RABGEF1: variants seen among roughly 807,000 people sequenced by gnomAD.
RABGEF1 encodes the protein rab5 GDP/GTP exchange factor.
A neutral mutation model predicts 57.3 loss-of-function variants in RABGEF1; 26 were observed. That is an observed-to-expected ratio of 0.45 (90% CI 0.33 to 0.63). The LOEUF (loss-of-function observed/expected upper bound fraction) is 0.63. Ranked by LOEUF, RABGEF1 falls within the 20% of genes least tolerant of loss-of-function variation. RABGEF1 has a pLI of 0.02. For synonymous variants in RABGEF1, 185 were observed against 210.7 expected, an observed-to-expected ratio of 0.88 and a Z score of 1.06; for missense variants, 464 against 607.6, an observed-to-expected ratio of 0.76 and a Z score of 2.48.
chr7:66,736,786 A>C (rs1437651709), upstream of RABGEF1, among the ~76,000 whole-genome samples: 1 of 152,178 alleles, frequency 6.6e-6, no homozygotes, highest in Non-Finnish European at 1.5e-5. Context: ...GCTTGAACCC[A>C]GGAGGCAGAA....
upstream of RABGEF1, among the ~76,000 whole-genome samples, chr7:66,736,035 A>C (rs1395924934): frequency 1.3e-5 from 2 of 152,182 alleles, no homozygotes; most frequent in Non-Finnish European, 2.9e-5. Flanking sequence ...TGTATTTAGC[A>C]TTGCACTGGA....
chr7:66,759,597 C>T (rs1429120619), intron 1 of RABGEF1, among the ~76,000 whole-genome samples: 3 of 152,150 alleles, frequency 2.0e-5, no homozygotes, highest in Non-Finnish European at 4.4e-5. Context: ...GGAAACATTG[C>T]AGCTTCTGCT....
At position 66,757,813 on chromosome 7, in the gene RABGEF1, G is replaced by A. The variant is rs112376339; in HGVS notation, c.-17-14070G>A. On this transcript the variant is annotated intron_variant, in intron 1 of 8. Coordinates refer to ENST00000284957, the MANE Select transcript of RABGEF1 (RefSeq NM_014504.3). Reference sequence around the variant, plus strand: ...TTTTTAGTAGAGACGGGGTTTCACCGTGTTAGCCAGGATGGTCTCGATCTT... The same window carrying A: ...TTTTTAGTAGAGACGGGGTTTCACCATGTTAGCCAGGATGGTCTCGATCTT... 2.6e-3 allele frequency among the ~76,000 whole-genome samples: 392 copies of A among 152,172 alleles called. 1 individual carries two copies. The highest frequency in any genetic ancestry group is 9.0e-3 in the African/African-American group (375 of 41,528).
chr7:66,680,142 T>C (rs1460642227), upstream of RABGEF1, among the ~76,000 whole-genome samples: 1 of 152,242 alleles, frequency 6.6e-6, no homozygotes, highest in East Asian at 1.9e-4. Context: ...AAAGTAAATA[T>C]TATTGTCTTT....
the RABGEF1 span, among the ~76,000 whole-genome samples, chr7:66,674,355 G>A: frequency 6.6e-5 from 10 of 151,850 alleles, no homozygotes; most frequent in Admixed American, 2.0e-4. Flanking sequence ...ACACCTGGCT[G>A]ATTTTTTTTT....
chr7:66,665,659 C>T, the RABGEF1 span, among the ~76,000 whole-genome samples: 16 of 152,286 alleles, frequency 1.1e-4, no homozygotes, highest in Admixed American at 7.8e-4. Context: ...TCTAGAACAT[C>T]GTAGGACTTC....
At chr7:66,656,695 T>TTC in the RABGEF1 span, among the ~76,000 whole-genome samples, 1 of 151,892 alleles carries the variant, frequency 6.6e-6, no homozygotes, top group East Asian at 1.9e-4. Context: ...TGGCACCTGC[T>TTC]TGTAATCCCA....
chr7:66,663,114 T>C, the RABGEF1 span, among the ~76,000 whole-genome samples: 11 of 152,266 alleles, frequency 7.2e-5, no homozygotes, highest in Admixed American at 6.5e-4. Flanking sequence ...CTCTGTGTCT[T>C]AAGGGCGTGT....
intron 1 of RABGEF1, among the ~76,000 whole-genome samples, chr7:66,687,662 T>TA (rs1180094753): frequency 2.0e-5 from 3 of 151,926 alleles, no homozygotes; most frequent in Non-Finnish European, 4.4e-5. Context: ...TTGGGAAATG[T>TA]AAAAAAATTA....
intron 4 of RABGEF1, among the ~76,000 whole-genome samples, chr7:66,785,134 CTG>C (rs1241389606): frequency 6.6e-6 from 1 of 152,094 alleles, no homozygotes; most frequent in Admixed American, 6.5e-5. Flanking sequence ...TGTTCTTACT[CTG>C]TAATAATTTA....
At chr7:66,682,708 G>A (rs561804326) in intron 1 of RABGEF1, among the ~76,000 whole-genome samples, 88 of 222 alleles carry the variant, frequency 0.4, 1 homozygote, top group Middle Eastern at 0.5. Flanking sequence ...CCCGGCCGCG[G>A]CAGGGCGCCG....
intron 1 of RABGEF1, among the ~76,000 whole-genome samples, chr7:66,708,969 T>C (rs1461181952): frequency 3.3e-5 from 5 of 152,104 alleles, no homozygotes; most frequent in Non-Finnish European, 4.4e-5. Flanking sequence ...TTTCCTGTTA[T>C]GCCTCTCTAC....
At chr7:66,760,731 C>T (rs763632120) in intron 1 of RABGEF1, among the ~76,000 whole-genome samples, 1 of 151,600 alleles carries the variant, frequency 6.6e-6, no homozygotes, top group Non-Finnish European at 1.5e-5. Flanking sequence ...CATGAGCCAC[C>T]GCACCCAGCC....
At chr7:66,684,375 C>T (rs1790267806) in intron 1 of RABGEF1, among the ~76,000 whole-genome samples, 1 of 152,108 alleles carries the variant, frequency 6.6e-6, no homozygotes, top group African/African-American at 2.4e-5. Flanking sequence ...ACCCAGGAGG[C>T]GGAGGTTGTC....
chr7:66,655,897 G>A, the RABGEF1 span, among the ~76,000 whole-genome samples: 1 of 152,204 alleles, frequency 6.6e-6, no homozygotes, highest in African/African-American at 2.4e-5. Flanking sequence ...GAGGAGAAGG[G>A]ACAGTCAAGA....
the RABGEF1 span, among the ~76,000 whole-genome samples, chr7:66,661,730 A>C: frequency 2.6e-5 from 4 of 152,250 alleles, no homozygotes; most frequent in African/African-American, 9.6e-5. Flanking sequence ...AAACTCTTTC[A>C]AAAACTTGAA....
At chr7:66,672,381 G>A in the RABGEF1 span, among the ~76,000 whole-genome samples, 3 of 152,062 alleles carry the variant, frequency 2.0e-5, no homozygotes, top group African/African-American at 4.8e-5. Flanking sequence ...GCAGTGAGCC[G>A]AGATCGTGCC....
chr7:66,742,844 C>T lies in RABGEF1; in HGVS notation c.-18+2052C>T, dbSNP rs748429607. Among the ~76,000 whole-genome samples, 177 of 152,134 alleles carry T rather than the reference C, an allele frequency of 1.2e-3. 2 individuals carry two copies. Among genetic ancestry groups the T allele is most frequent in the Non-Finnish European group, 1.1e-3 (76 of 68,018 alleles). On this transcript the variant is annotated intron_variant, in intron 1 of 8. Coordinates refer to ENST00000284957, the MANE Select transcript of RABGEF1 (RefSeq NM_014504.3). ...CTGATCTCAAACTCCTGCACTCAAG[C>T]AATCTTCCTGCCTCAAGCGTCCCAA...
intron 7 of RABGEF1, among the ~76,000 whole-genome samples, chr7:66,801,687 C>G (rs1395441014): frequency 6.6e-6 from 1 of 152,190 alleles, no homozygotes; most frequent in African/African-American, 2.4e-5. Context: ...CCTCCTGTTT[C>G]ATCCATGTTG....
Sources: gnomAD v4.1 joint callset for allele counts (sites outside exome capture counted in the v4.1 genomes callset) on GRCh38, gnomAD v4.1.1 for gene constraint, MANE v1.5 for transcripts, NCBI Gene and HGNC (gene_info 2026-07-23, HGNC 2026-07-21) for gene names.